ALPK2: variants seen among roughly 807,000 people sequenced by gnomAD.
ALPK2 encodes alpha-protein kinase 2.
A neutral mutation model predicts 163.1 loss-of-function variants in ALPK2; 127 were observed. The observed-to-expected ratio is 0.78, with a 90% confidence interval of 0.67 to 0.90. The LOEUF (loss-of-function observed/expected upper bound fraction) is 0.90. ALPK2 is among the 40% of genes least tolerant of loss of function. The probability of loss-of-function intolerance (pLI) is 0.00; values close to 1 mark genes in which losing one functional copy is unlikely to be tolerated. For synonymous variants in ALPK2, 953 were observed against 959.1 expected (o/e 0.99, Z 0.12); for missense variants, 2,360 against 2,589.6 (o/e 0.91, Z 1.92).
At chr18:58,574,928 A>T (rs1181722179) in intron 4 of ALPK2, among the ~76,000 whole-genome samples, 1 of 152,166 alleles carries the variant, frequency 6.6e-6, no homozygotes, top group African/African-American at 2.4e-5. Context: ...AATCACACCT[A>T]ACTGGCTGGG....
intron 2 of ALPK2, 31 bp downstream of exon 2, chr18:58,611,658 G>A: frequency 6.3e-7 from 1 of 1,577,210 alleles, no homozygotes; most frequent in Non-Finnish European, 8.7e-7. Flanking sequence ...GGAGATTTTA[G>A]AGGGTGATTA....
chr18:58,513,020 TGTG>T (rs2051501653), intron 10 of ALPK2, among the ~76,000 whole-genome samples: 2 of 137,038 alleles, frequency 1.5e-5, no homozygotes, highest in Non-Finnish European at 3.2e-5. Flanking sequence ...GTGGGGTGTG[TGTG>T]GTGTGTGGTT....
At position 58,538,042 on chromosome 18, in the gene ALPK2, A is replaced by G. The variant is rs1392351807; in HGVS notation, c.2145T>C (p.Cys715=). 1 of 1,614,176 alleles carries G rather than the reference A, an allele frequency of 6.2e-7. No individual in the cohort carries two copies. Among genetic ancestry groups the G allele is most frequent in the Non-Finnish European group, 8.5e-7 (1 of 1,180,012 alleles). ...AQHSEVKPCT[C]GPQHEEKQDR... is the part of the protein sequence containing the mutation. Reference sequence around the variant, plus strand: ...CTTGTTTTTCTTCATGCTGTGGACCACAGGTACAGGGTTTGACCTCCGAGT... The same window carrying G: ...CTTGTTTTTCTTCATGCTGTGGACCGCAGGTACAGGGTTTGACCTCCGAGT... The change falls in exon 5 of 13, where the codon TGT becomes TGC. Residue 715 remains cysteine (C), a synonymous_variant. Transcript: ENST00000361673.
rs180818179 is a variant in ALPK2 at position 58,531,407 on chromosome 18, A to G, written c.5354-2169T>C. Among the ~76,000 whole-genome samples the G allele has an allele frequency of 1.1e-3, 170 of 152,112 alleles. 1 individual carries two copies. Among genetic ancestry groups the G allele is most frequent in the African/African-American group, 4.0e-3 (167 of 41,498 alleles). ...TCAGCCAAGGGGTCTGAAGTGTACC[A>G]GCCGGAAAGCAGTGACGAGGACTCA... On this transcript the variant is annotated intron_variant, in intron 5 of 12. Coordinates refer to ENST00000361673, the MANE Select transcript of ALPK2 (RefSeq NM_052947.4).
chr18:58,570,920 G>A (rs932957627), intron 4 of ALPK2, among the ~76,000 whole-genome samples: 6 of 152,178 alleles, frequency 3.9e-5, no homozygotes, highest in Admixed American at 6.5e-5. Flanking sequence ...CGCCCAGCTC[G>A]TGGCTGCAAG....
intron 4 of ALPK2, chr18:58,557,289 T>G (rs1051649843): frequency 6.6e-6 from 1 of 152,138 alleles, no homozygotes; most frequent in Non-Finnish European, 1.5e-5. Context: ...CTAAGAACAC[T>G]GCCATACAGG....
At chr18:58,563,752 C>A (rs1440369627) in intron 4 of ALPK2, among the ~76,000 whole-genome samples, 1 of 152,096 alleles carries the variant, frequency 6.6e-6, no homozygotes, top group East Asian at 1.9e-4. Context: ...TATATTTTAC[C>A]ATTCCTCCAT....
chr18:58,527,241 G>A (rs1453947921), intron 6 of ALPK2, among the ~76,000 whole-genome samples: 1 of 152,220 alleles, frequency 6.6e-6, no homozygotes, highest in Non-Finnish European at 1.5e-5. Context: ...GAAGGGAAAC[G>A]CTGGACTGGA....
rs9944810 is a variant in ALPK2, at chr18:58,580,368, C to G, written c.408G>C (p.Arg136Ser). The change falls in exon 4 of 13, where the codon AGG becomes AGC. Residue 136 changes from arginine to serine, a missense_variant. Physicochemically the swap from Arg to Ser is moderately radical, Grantham distance 110 (BLOSUM62 -1). Coordinates refer to ENST00000361673, the MANE Select transcript of ALPK2 (RefSeq NM_052947.4). The stretch of plus-strand genomic sequence containing the variant: ...GTTCCTTCTCATCAATCTGATTTGC[C>G]CTTTCTTCTTCATGTGTCCCTGTTT... ...KHETGTHEEE[R>S]ANQIDEKEHP... is the part of the protein sequence containing the mutation. 1 of 1,613,832 alleles carries G rather than the reference C, an allele frequency of 6.2e-7. No individual in the cohort carries two copies. Among genetic ancestry groups the G allele is most frequent in the Non-Finnish European group, 8.5e-7 (1 of 1,179,966 alleles).
At chr18:58,518,200 A>G (rs1298629718) in intron 8 of ALPK2, among the ~76,000 whole-genome samples, 1 of 151,954 alleles carries the variant, frequency 6.6e-6, no homozygotes, top group Admixed American at 6.5e-5. Context: ...TCACATTTCT[A>G]TATACATGCT....
Position 58,536,634 on chromosome 18 carries a change from G to A in ALPK2, c.3553C>T (p.Gln1185Ter), listed in dbSNP as rs2144147342. ...ACCCTCGTCCCCCAACCTGAGCGCTGCCCTGCTCCTTCCCTAGAGCTTGCG... is the reference window on the plus strand; with the variant it reads ...ACCCTCGTCCCCCAACCTGAGCGCTACCCTGCTCCTTCCCTAGAGCTTGCG... ...SPASSREGAG[Q>*]RSGWGTRVSV... Residue 1185 changes from glutamine (Q) to a stop codon, truncating the protein, a stop_gained, in exon 5 of 13, where the codon CAG becomes TAG. Transcript: ENST00000361673. LOFTEE classifies it high-confidence loss of function. 6.2e-7 allele frequency: 1 copy of A among 1,614,166 alleles called. No homozygotes were observed. The highest frequency in any genetic ancestry group is 2.2e-5 in the East Asian group (1 of 44,882).
chr18:58,621,671 G>A (rs2144242387), intron 1 of ALPK2, among the ~76,000 whole-genome samples: 1 of 152,180 alleles, frequency 6.6e-6, no homozygotes, highest in East Asian at 1.9e-4. Flanking sequence ...ACACGAGAAA[G>A]CAGTAGCTTG....
chr18:58,559,785 C>T (rs1014285807), intron 4 of ALPK2, among the ~76,000 whole-genome samples: 4 of 152,174 alleles, frequency 2.6e-5, no homozygotes, highest in South Asian at 2.1e-4. Flanking sequence ...GCACAGTCTG[C>T]GTGAGGAATG....
chr18:58,489,094 C>T (rs115710591), intron 12 of ALPK2, among the ~76,000 whole-genome samples: 5,490 of 152,178 alleles, frequency 0.036, 122 homozygotes, highest in Non-Finnish European at 0.046. Context: ...TGTGGAAACG[C>T]GGAGGGTGCC....
chr18:58,528,504 C>A (rs1037690301), intron 6 of ALPK2, among the ~76,000 whole-genome samples: 4 of 152,118 alleles, frequency 2.6e-5, no homozygotes, highest in African/African-American at 4.8e-5. Context: ...CCACTATACT[C>A]CAGCCTGGGA....
intron 3 of ALPK2, among the ~76,000 whole-genome samples, chr18:58,590,106 A>G (rs147946241): frequency 6.6e-6 from 1 of 151,866 alleles, no homozygotes; most frequent in Non-Finnish European, 1.5e-5. Context: ...CTGTAATCCC[A>G]GCTACTTGGG....
intron 3 of ALPK2, among the ~76,000 whole-genome samples, chr18:58,589,612 A>T (rs916171777): frequency 7.2e-5 from 11 of 152,238 alleles, no homozygotes; most frequent in Non-Finnish European, 2.9e-5. Flanking sequence ...TATACTCTTC[A>T]GTCCCTACAT....
intron 12 of ALPK2, among the ~76,000 whole-genome samples, chr18:58,492,998 T>TC (rs2051382859): frequency 6.6e-6 from 1 of 151,962 alleles, no homozygotes; most frequent in African/African-American, 2.4e-5. Context: ...CCTCCAAACT[T>TC]CCTTAATGGC....
Position 58,553,850 on chromosome 18 carries a change from G to GTTTTT in ALPK2, c.1963-15631_1963-15627dup, listed in dbSNP as rs71173061. Among the ~76,000 whole-genome samples, 44 of 74,008 alleles carry GTTTTT rather than the reference G, an allele frequency of 5.9e-4. 1 individual carries two copies. The highest frequency in any genetic ancestry group is 8.3e-4 in the Non-Finnish European group (36 of 43,472). The allele number at this position is 74,008 out of a possible 152,430, so 48.6% of individuals were successfully genotyped here. ...TCGAGCAGTTGGGGTTTTTTTTTTG[G>GTTTTT]TTTTTTTTTTTTTTTTTTTTTTTTT... On this transcript the variant is annotated intron_variant, in intron 4 of 12. Transcript: ENST00000361673.
Sources: gnomAD v4.1 joint callset for allele counts (sites outside exome capture counted in the v4.1 genomes callset) on GRCh38, gnomAD v4.1.1 for gene constraint, MANE v1.5 for transcripts, NCBI Gene and HGNC (gene_info 2026-07-23, HGNC 2026-07-21) for gene names.